EDIL3: variants seen among roughly 807,000 people sequenced by gnomAD.
EDIL3 encodes EGF like and discoidin domains 3.
Under a neutral mutation model 67.4 loss-of-function variants are expected in EDIL3, and 37 were observed. The observed-to-expected ratio is 0.55, with a 90% CI of 0.42 to 0.72. EDIL3 has a LOEUF of 0.72. Among genes scored for constraint, EDIL3 ranks in the 30% least tolerant of loss-of-function variants. EDIL3 has a pLI of 0.00. For missense variants in EDIL3, 527 were observed against 586.3 expected (o/e 0.90, Z 1.04); for synonymous variants, 195 against 196.3 (o/e 0.99, Z 0.05).
chr5:84,034,046 G>A (rs1052519998), intron 9 of EDIL3, among the ~76,000 whole-genome samples: 6 of 152,184 alleles, frequency 3.9e-5, no homozygotes, highest in African/African-American at 1.4e-4. Context: ...TAATATCTGT[G>A]TGTAGCTACT....
At chr5:84,358,609 T>C (rs1401050657) in intron 1 of EDIL3, among the ~76,000 whole-genome samples, 1 of 135,260 alleles carries the variant, frequency 7.4e-6, no homozygotes, top group Non-Finnish European at 1.6e-5. Context: ...TTTTTTTTTT[T>C]TTTTTTTTTT....
intron 9 of EDIL3, among the ~76,000 whole-genome samples, chr5:84,042,665 A>G (rs1224103704): frequency 6.6e-6 from 1 of 152,156 alleles, no homozygotes; most frequent in African/African-American, 2.4e-5. Context: ...TTTTTTATTT[A>G]GAGGACACAA....
At chr5:84,143,667 T>C (rs1580347586) in intron 4 of EDIL3, among the ~76,000 whole-genome samples, 1 of 152,004 alleles carries the variant, frequency 6.6e-6, no homozygotes, top group African/African-American at 2.4e-5. Flanking sequence ...CCAAGGGATA[T>C]AAAAGCCAAA....
intron 9 of EDIL3, among the ~76,000 whole-genome samples, chr5:84,007,217 A>G (rs1745433832): frequency 6.6e-6 from 1 of 152,172 alleles, no homozygotes; most frequent in Non-Finnish European, 1.5e-5. Flanking sequence ...ATCTGGGCAA[A>G]GATTTCTTGA....
intron 9 of EDIL3, among the ~76,000 whole-genome samples, chr5:83,996,439 C>A (rs1265208048): frequency 6.6e-6 from 1 of 152,146 alleles, no homozygotes; most frequent in African/African-American, 2.4e-5. Context: ...AATGCACTCA[C>A]CCTGTATTCT....
At chr5:84,199,423 T>A (rs1415983402) in intron 3 of EDIL3, among the ~76,000 whole-genome samples, 2 of 151,928 alleles carry the variant, frequency 1.3e-5, no homozygotes, top group African/African-American at 2.4e-5. Context: ...TGCTTGACAA[T>A]ACTTTGTAAT....
chr5:84,183,238 C>T (rs983574950), intron 3 of EDIL3, among the ~76,000 whole-genome samples: 1 of 152,020 alleles, frequency 6.6e-6, no homozygotes, highest in South Asian at 2.1e-4. Context: ...TATAATATTT[C>T]TCAATCAATA....
chr5:83,971,646 C>T (rs1370821382), intron 9 of EDIL3, among the ~76,000 whole-genome samples: 2 of 151,954 alleles, frequency 1.3e-5, no homozygotes, highest in African/African-American at 4.8e-5. Context: ...TTGTTCTGCA[C>T]ATTTAAAAAA....
intron 9 of EDIL3, among the ~76,000 whole-genome samples, chr5:84,050,498 G>A (rs1229976020): frequency 3.3e-5 from 5 of 152,232 alleles, no homozygotes; most frequent in Non-Finnish European, 7.3e-5. Flanking sequence ...CTGAGCGTGA[G>A]CTGAAGCAGG....
At chr5:84,224,828 A>C (rs1417139504) in intron 3 of EDIL3, among the ~76,000 whole-genome samples, 3 of 151,564 alleles carry the variant, frequency 2.0e-5, no homozygotes. Context: ...TTTCAAAAAA[A>C]TAGTTTCCAA....
chr5:84,291,932 C>T (rs1440895729), intron 1 of EDIL3, among the ~76,000 whole-genome samples: 1 of 151,118 alleles, frequency 6.6e-6, no homozygotes, highest in Admixed American at 6.6e-5. Context: ...ATTTTTGTAG[C>T]TCCAACTCCA....
intron 4 of EDIL3, among the ~76,000 whole-genome samples, chr5:84,166,613 G>C (rs1194610257): frequency 6.6e-6 from 1 of 152,098 alleles, no homozygotes; most frequent in East Asian, 1.9e-4. Flanking sequence ...CTAAAGAGAA[G>C]AAAAATATTA....
intron 10 of EDIL3, among the ~76,000 whole-genome samples, chr5:83,954,647 TC>T (rs1483918861): frequency 6.6e-6 from 1 of 151,716 alleles, no homozygotes; most frequent in Non-Finnish European, 1.5e-5. Flanking sequence ...AAACCTCCTT[TC>T]TTTATAAATT....
chr5:84,284,804 A>G (rs1339769999), intron 1 of EDIL3, among the ~76,000 whole-genome samples: 1 of 152,166 alleles, frequency 6.6e-6, no homozygotes, highest in Admixed American at 6.5e-5. Context: ...ACTGCTGGAA[A>G]GCTATCTTTG....
chr5:84,156,175 G>A (rs1440751801), intron 4 of EDIL3, among the ~76,000 whole-genome samples: 1 of 152,168 alleles, frequency 6.6e-6, no homozygotes, highest in Non-Finnish European at 1.5e-5. Flanking sequence ...TTTGGAGACA[G>A]TAGTCTTCTA....
intron 10 of EDIL3, among the ~76,000 whole-genome samples, chr5:83,959,319 G>A (rs1046634260): frequency 2.0e-5 from 3 of 149,768 alleles, no homozygotes; most frequent in East Asian, 3.9e-4. Flanking sequence ...TACATTTTTC[G>A]AGTTTTATAC....
At chr5:84,297,297 C>G (rs1746071981) in intron 1 of EDIL3, among the ~76,000 whole-genome samples, 1 of 151,522 alleles carries the variant, frequency 6.6e-6, no homozygotes, top group South Asian at 2.1e-4. Flanking sequence ...CATCACTGAT[C>G]ATCAGAGAAA....
At chr5:84,119,699 GT>G (rs1453547035) in intron 5 of EDIL3, among the ~76,000 whole-genome samples, 1 of 151,928 alleles carries the variant, frequency 6.6e-6, no homozygotes, top group East Asian at 1.9e-4. Flanking sequence ...TTATAATCGA[GT>G]TTTTCCCCCA....
intron 1 of EDIL3, among the ~76,000 whole-genome samples, chr5:84,362,959 T>C (rs1486432725): frequency 6.6e-6 from 1 of 152,030 alleles, no homozygotes; most frequent in African/African-American, 2.4e-5. Flanking sequence ...ATGTTTTTGT[T>C]TTTCTGTTTG....
Sources: allele counts gnomAD v4.1 joint callset (sites outside exome capture counted in the v4.1 genomes callset), GRCh38; gene constraint gnomAD v4.1.1; transcripts MANE v1.5; gene names NCBI Gene and HGNC (gene_info 2026-07-23, HGNC 2026-07-21).